The following PANK1 variants were observed in gnomAD, a reference collection of about 807,000 sequenced individuals.
The protein encoded by PANK1 is pantothenate kinase 1.
Under a neutral mutation model 40.1 loss-of-function variants are expected in PANK1, and 18 were observed. That is an observed-to-expected ratio of 0.45 (90% confidence interval 0.31 to 0.67). The LOEUF is 0.67. PANK1 is among the 30% of genes least tolerant of loss of function. PANK1 has a pLI of 0.06. For synonymous variants in PANK1, 242 were observed against 237.7 expected (o/e 1.02, Z -0.17); for missense variants, 457 against 599.6 (o/e 0.76, Z 2.48).
chr10:89,620,098 T>G (rs952973098), intron 1 of PANK1, among the ~76,000 whole-genome samples: 6 of 152,250 alleles, frequency 3.9e-5, no homozygotes, highest in Non-Finnish European at 5.9e-5. Flanking sequence ...TCTCGTCATC[T>G]TCGTAAACTG....
At chr10:89,608,232 C>T (rs906007430) in intron 2 of PANK1, among the ~76,000 whole-genome samples, 1 of 151,892 alleles carries the variant, frequency 6.6e-6, no homozygotes, top group Non-Finnish European at 1.5e-5. Flanking sequence ...GGGGTTTCAC[C>T]GTGTTAGCCA....
intron 1 of PANK1, among the ~76,000 whole-genome samples, chr10:89,633,554 T>C (rs1841714660): frequency 1.3e-5 from 2 of 151,358 alleles, no homozygotes; most frequent in Admixed American, 6.6e-5. Flanking sequence ...AAATCAAACA[T>C]AGGTAGTTGG....
intron 1 of PANK1, among the ~76,000 whole-genome samples, chr10:89,623,263 C>T (rs1263513185): frequency 6.6e-6 from 1 of 151,954 alleles, no homozygotes; most frequent in East Asian, 1.9e-4. Flanking sequence ...GCTCTGTGGC[C>T]CAGGCTGGAG....
intron 1 of PANK1, among the ~76,000 whole-genome samples, chr10:89,640,058 GC>G: frequency 6.6e-6 from 1 of 152,292 alleles, no homozygotes; most frequent in Middle Eastern, 3.4e-3. Flanking sequence ...TACAATTTTG[GC>G]CCTGTCATTC....
At position 89,599,307 on chromosome 10, in the gene PANK1, C is replaced by T; in HGVS notation, c.844G>A (p.Val282Ile). ...PMLLVNMGSG[V>I]SILAVYSKDN... ...TTGGAGTACACGGCTAGAATGCTGA[C>T]ACCTGAGCCCATGTTAACCAGCAAC... The change falls in exon 3 of 7, where the codon GTC becomes ATC. Residue 282 changes from valine (V) to isoleucine (I), a missense_variant. By Grantham distance (29) the Val-to-Ile change is conservative. This residue lies in a region of PANK1 where 286 missense variants were observed against 415.8 expected (regional missense o/e 0.69). Coordinates refer to ENST00000307534, the MANE Select transcript of PANK1 (RefSeq NM_148977.3). The T allele has an allele frequency of 6.2e-7, 1 of 1,613,850 alleles. No individual in the cohort carries two copies. Among genetic ancestry groups the T allele is most frequent in the Non-Finnish European group, 8.5e-7 (1 of 1,179,720 alleles).
Position 89,644,708 on chromosome 10 carries a change from G to C in PANK1, c.184C>G (p.Pro62Ala), listed in dbSNP as rs775687289. 3 of 1,540,876 alleles carry C rather than the reference G, an allele frequency of 1.9e-6. No homozygotes were observed. The Admixed American group carries it at 5.7e-5, about 29-fold the overall frequency. The part of the protein sequence containing the change: ...GGSDAAPQRL[P>A]LLPELQPQPL... ...TGCGGCTGCAGCTCCGGCAGGAGCGGGAGGCGCTGGGGCGCCGCGTCGCTG... is the reference window on the plus strand; with the variant it reads ...TGCGGCTGCAGCTCCGGCAGGAGCGCGAGGCGCTGGGGCGCCGCGTCGCTG... The change falls in exon 1 of 7, where the codon CCG (proline) becomes GCG (alanine). Residue 62 changes from proline to alanine, a missense_variant. Around this residue, in one of 4 missense-constraint regions of PANK1, gnomAD observed 144 missense variants for 131.2 expected, o/e 1.10. Transcript: ENST00000307534.
intron 1 of PANK1, chr10:89,639,199 C>T: frequency 2.2e-6 from 1 of 453,846 alleles, no homozygotes; most frequent in Non-Finnish European, 4.4e-6. Context: ...CTGGTGAAGG[C>T]CTTCTTGCTG....
chr10:89,639,227 A>C (rs1487049523), intron 1 of PANK1: 1 of 454,242 alleles, frequency 2.2e-6, no homozygotes, highest in Non-Finnish European at 4.4e-6. Context: ...CCATGGCAGA[A>C]AGGCAAAAGA....
Position 89,644,741 on chromosome 10 carries a change from C to T in PANK1, c.151G>A (p.Val51Met). ...QPPHVCSRGPVGGSDAAPQRL... is the reference protein window; with the variant it reads ...QPPHVCSRGPMGGSDAAPQRL... ...TGGGGCGCCGCGTCGCTGCCGCCCA[C>T]TGGACCCCGGCTGCAGACGTGCGGC... Residue 51 changes from valine (V) to methionine (M), a missense_variant, in exon 1 of 7, where the codon GTG becomes ATG. Coordinates refer to ENST00000307534, the MANE Select transcript of PANK1 (RefSeq NM_148977.3). 6.6e-7 allele frequency: 1 copy of T among 1,523,834 alleles called. No individual in the cohort carries two copies. The highest frequency in any genetic ancestry group is 2.6e-5 in the East Asian group (1 of 38,908). 94.4% of individuals were successfully genotyped at this position (1,523,834 alleles called of 1,614,324 possible). A position where few individuals can be genotyped will look rare whatever the true frequency, so the allele number is the denominator to read the frequency against.
chr10:89,630,116 T>C (rs78052310), intron 1 of PANK1, among the ~76,000 whole-genome samples: 4,082 of 152,290 alleles, frequency 0.027, 354 homozygotes, highest in East Asian at 0.27. Flanking sequence ...GACTAAAATT[T>C]AATTGAGTGT....
intron 1 of PANK1, among the ~76,000 whole-genome samples, chr10:89,627,388 G>A (rs893490398): frequency 5.9e-5 from 9 of 152,270 alleles, no homozygotes; most frequent in East Asian, 3.9e-4. Flanking sequence ...GATGATATGC[G>A]TAGATTACAT....
rs939441139 is a variant in PANK1 at position 89,640,750 on chromosome 10, A to G, written c.292+3850T>C. 4.6e-5 allele frequency among the ~76,000 whole-genome samples: 7 copies of G among 152,348 alleles called. No individual in the cohort carries two copies. The East Asian group carries it at 1.3e-3, about 29-fold the overall frequency. On this transcript the variant is annotated intron_variant, in intron 1 of 6. Transcript: ENST00000307534. ...AAACAGCCTGTCAGTTAAAACCAATACTTATTTGTTTCCCCTACTTATTCT... is the reference window on the plus strand; with the variant it reads ...AAACAGCCTGTCAGTTAAAACCAATGCTTATTTGTTTCCCCTACTTATTCT...
At chr10:89,599,668 A>G (rs1844716406) in intron 2 of PANK1, among the ~76,000 whole-genome samples, 163 bp from the exon 3 acceptor site, 1 of 152,214 alleles carries the variant, frequency 6.6e-6, no homozygotes, top group Non-Finnish European at 1.5e-5. Flanking sequence ...CTGCACTGGA[A>G]AAGTAGCCTT....
chr10:89,599,824 G>A (rs369188537), intron 2 of PANK1, among the ~76,000 whole-genome samples: 15 of 152,184 alleles, frequency 9.9e-5, no homozygotes, highest in African/African-American at 3.6e-4. Flanking sequence ...ACTTGTGAAT[G>A]TGACTTTATT....
intron 1 of PANK1, among the ~76,000 whole-genome samples, chr10:89,635,059 G>T (rs1841761936): frequency 6.6e-6 from 1 of 152,012 alleles, no homozygotes. Context: ...CAGAGTCTTG[G>T]AAGCCTCTGT....
At chr10:89,619,571 T>C (rs1257518448) in intron 1 of PANK1, among the ~76,000 whole-genome samples, 1 of 152,184 alleles carries the variant, frequency 6.6e-6, no homozygotes, top group African/African-American at 2.4e-5. Context: ...CTGGCGAGTG[T>C]TCCTGGTGAG....
intron 2 of PANK1, among the ~76,000 whole-genome samples, chr10:89,609,519 T>C (rs796761644): frequency 2.0e-5 from 3 of 152,376 alleles, no homozygotes; most frequent in African/African-American, 7.2e-5. Flanking sequence ...ATAACACCTA[T>C]TCATCCTCAT....
rs182089171 is a variant in PANK1, at chr10:89,615,396, G to A, written c.293-3348C>T. On this transcript the variant is annotated intron_variant, in intron 1 of 6. Coordinates refer to ENST00000307534, the MANE Select transcript of PANK1 (RefSeq NM_148977.3). ...CACTTTTAAAAACACTGTAGGTGAC[G>A]CCTGAAGATTTTTTGTTATTCAGAA... Among the ~76,000 whole-genome samples the A allele has an allele frequency of 9.2e-5, 14 of 152,250 alleles. No individual in the cohort carries two copies. The East Asian group carries it at 2.5e-3, about 27-fold the overall frequency.
intron 1 of PANK1, among the ~76,000 whole-genome samples, chr10:89,638,882 A>C (rs1841896647): frequency 6.6e-6 from 1 of 152,188 alleles, no homozygotes; most frequent in African/African-American, 2.4e-5. Flanking sequence ...TCCTCTTCTC[A>C]GCCTTCACCA....
Sources: gnomAD v4.1 joint callset for allele counts (sites outside exome capture counted in the v4.1 genomes callset) on GRCh38, gnomAD v4.1.1 for gene constraint, gnomAD v4.1.1 regional missense constraint, MANE v1.5 for transcripts, NCBI Gene and HGNC (gene_info 2026-07-23, HGNC 2026-07-21) for gene names.